UBE2V1: variants seen among roughly 807,000 people sequenced by gnomAD.
UBE2V1 encodes the protein ubiquitin-conjugating enzyme E2 variant 1.
In UBE2V1, 15 loss-of-function variants were observed where a neutral mutation model predicts 19.6. The observed-to-expected ratio is 0.77, with a 90% CI of 0.51 to 1.18. The LOEUF (loss-of-function observed/expected upper bound fraction) is 1.18, where lower values mean the gene tolerates loss of function less well. Ranked by LOEUF, UBE2V1 falls within the 50% of genes most tolerant of loss-of-function variation. UBE2V1 has a pLI of 0.00. For synonymous variants in UBE2V1, 60 were observed against 60.7 expected, an observed-to-expected ratio of 0.99 and a Z score of 0.05; for missense variants, 125 against 184.8, an observed-to-expected ratio of 0.68 and a Z score of 1.88.
chr20:50,102,904 A>C (rs1365082686), intron 1 of UBE2V1, among the ~76,000 whole-genome samples: 1 of 152,146 alleles, frequency 6.6e-6, no homozygotes, highest in East Asian at 1.9e-4. Context: ...AGGCATCCTT[A>C]CATCCCGCCT....
chr20:50,093,359 G>A (rs1469208972), intron 2 of UBE2V1, among the ~76,000 whole-genome samples: 2 of 152,188 alleles, frequency 1.3e-5, no homozygotes, highest in African/African-American at 4.8e-5. Context: ...GCTCTATTTA[G>A]ATGCTTTAAT....
intron 2 of UBE2V1, chr20:50,095,436 T>A (rs41307171): frequency 2.0e-5 from 3 of 152,284 alleles, no homozygotes; most frequent in Non-Finnish European, 4.4e-5. Flanking sequence ...AGATCAAATG[T>A]ATATATTTTT....
At chr20:50,106,655 A>AC (rs1258912558) in intron 1 of UBE2V1, among the ~76,000 whole-genome samples, 1 of 151,450 alleles carries the variant, frequency 6.6e-6, no homozygotes, top group Non-Finnish European at 1.5e-5. Context: ...AGATGGAGAA[A>AC]CCCCGTCTCC....
chr20:50,092,799 T>A (rs910275611), intron 2 of UBE2V1, among the ~76,000 whole-genome samples: 1 of 152,178 alleles, frequency 6.6e-6, no homozygotes, highest in Non-Finnish European at 1.5e-5. Context: ...CACACACATA[T>A]GACTAAAACA....
In UBE2V1 at chr20:50,083,683, C is replaced by T. The variant is rs369988282; in HGVS notation, c.297+446G>A. 9.0e-4 allele frequency: 139 copies of T among 153,824 alleles called. 2 individuals carry two copies. In the South Asian group the frequency reaches 0.028, roughly 31 times the overall value. The allele number at this position is 153,824 out of a possible 1,614,324, so 9.5% of individuals were successfully genotyped here. A position where few individuals can be genotyped will look rare whatever the true frequency, so the allele number is the denominator to read the frequency against. On this transcript the variant is annotated intron_variant, in intron 3 of 3. Transcript: ENST00000371674. Reference sequence around the variant, plus strand: ...CTGTTTTTGTAATATTTACTGTTGCCATTATTGCCCAGTTATGACAACTGA... The same window carrying T: ...CTGTTTTTGTAATATTTACTGTTGCTATTATTGCCCAGTTATGACAACTGA...
chr20:50,103,122 G>A (rs1203947466), intron 1 of UBE2V1, among the ~76,000 whole-genome samples: 1 of 152,164 alleles, frequency 6.6e-6, no homozygotes, highest in South Asian at 2.1e-4. Context: ...CTGAACATAA[G>A]CTCCATGAGA....
chr20:50,104,074 G>C (rs990643547), intron 1 of UBE2V1, among the ~76,000 whole-genome samples: 1 of 151,426 alleles, frequency 6.6e-6, no homozygotes, highest in Admixed American at 6.6e-5. Flanking sequence ...ACGAGGTCAG[G>C]AGATCGAGAT....
intron 2 of UBE2V1, among the ~76,000 whole-genome samples, chr20:50,093,546 G>A (rs1157954701): frequency 6.6e-6 from 1 of 152,200 alleles, no homozygotes; most frequent in Non-Finnish European, 1.5e-5. Context: ...TGGTGAGAAT[G>A]TGGAGAAATG....
intron 3 of UBE2V1, 52 bp from the exon 4 acceptor site, chr20:50,082,966 G>A: frequency 1.9e-6 from 3 of 1,592,028 alleles, no homozygotes; most frequent in Non-Finnish European, 2.6e-6. Context: ...AAACAAAATA[G>A]CTATATGCCG....
chr20:50,094,008 A>T (rs1183542541), intron 2 of UBE2V1, among the ~76,000 whole-genome samples: 30 of 124,062 alleles, frequency 2.4e-4, no homozygotes, highest in East Asian at 4.3e-4. Flanking sequence ...AAAAAAAAAA[A>T]AAAATAATAA....
Position 50,082,709 on chromosome 20 carries a change from T to C in UBE2V1, c.*59A>G. ...CTAGAAAATTTACTACTGTGGAAAATGAAGACTGATTAAATCGAATTGGGG... is the reference window on the plus strand; with the variant it reads ...CTAGAAAATTTACTACTGTGGAAAACGAAGACTGATTAAATCGAATTGGGG... On this transcript the variant is annotated 3_prime_UTR_variant, in exon 4 of 4. Transcript: ENST00000371674. 1 of 1,585,134 alleles carries C rather than the reference T, an allele frequency of 6.3e-7. No homozygotes were observed. Among genetic ancestry groups the C allele is most frequent in the South Asian group, 1.1e-5 (1 of 88,168 alleles).
At chr20:50,099,965 G>C (rs965658267) in intron 1 of UBE2V1, among the ~76,000 whole-genome samples, 3 of 152,118 alleles carry the variant, frequency 2.0e-5, no homozygotes, top group African/African-American at 7.2e-5. Context: ...GGGCATGGTG[G>C]TGCCCACCTG....
At position 50,082,279 on chromosome 20, in the gene UBE2V1, C is replaced by A; in HGVS notation, c.*489G>T. On this transcript the variant is annotated 3_prime_UTR_variant, in exon 4 of 4. Coordinates refer to ENST00000371674, the MANE Select transcript of UBE2V1 (RefSeq NM_001032288.3). ...GGTGCAGGCGAAACACCCCACACAC[C>A]TAGCAGTAGTCCCACAGGCTGCGAC... 6.1e-6 allele frequency: 1 copy of A among 163,458 alleles called. No individual in the cohort carries two copies. Among genetic ancestry groups the A allele is most frequent in the South Asian group, 1.6e-4 (1 of 6,096 alleles). 10.1% of individuals were successfully genotyped at this position (163,458 alleles called of 1,614,324 possible). A position where few individuals can be genotyped will look rare whatever the true frequency, so the allele number is the denominator to read the frequency against.
At chr20:50,086,800 G>C (rs1323377926) in intron 2 of UBE2V1, among the ~76,000 whole-genome samples, 1 of 152,248 alleles carries the variant, frequency 6.6e-6, no homozygotes, top group East Asian at 1.9e-4. Context: ...ACCTAAGGCC[G>C]GGTGAGCTGG....
chr20:50,084,356 A>G (rs765260957), intron 2 of UBE2V1, 102 bp from the exon 3 acceptor site: 2 of 1,593,884 alleles, frequency 1.3e-6, no homozygotes, highest in Non-Finnish European at 1.7e-6. Context: ...GAACTGGTAC[A>G]TCTGCTTCCA....
intron 2 of UBE2V1, among the ~76,000 whole-genome samples, chr20:50,091,345 C>T (rs959514836): frequency 1.3e-5 from 2 of 148,752 alleles, no homozygotes; most frequent in South Asian, 2.1e-4. Flanking sequence ...CACACCTGGG[C>T]TTTTGTCATT....
intron 2 of UBE2V1, among the ~76,000 whole-genome samples, chr20:50,088,925 T>G (rs1029881733): frequency 1.3e-5 from 2 of 152,216 alleles, no homozygotes; most frequent in Non-Finnish European, 2.9e-5. Flanking sequence ...GTTCCAATCT[T>G]ACATAGTTAT....
intron 2 of UBE2V1, among the ~76,000 whole-genome samples, chr20:50,089,688 T>C (rs751859851): frequency 1.7e-4 from 26 of 152,138 alleles, no homozygotes; most frequent in Non-Finnish European, 2.9e-4. Flanking sequence ...ACTCTCCCTC[T>C]TCCCACCATT....
intron 1 of UBE2V1, among the ~76,000 whole-genome samples, chr20:50,110,311 T>C (rs1189518812): frequency 2.0e-5 from 3 of 152,218 alleles, no homozygotes; most frequent in Non-Finnish European, 2.9e-5. Flanking sequence ...CTAAGACATA[T>C]GTAGATATCA....
Sources: allele counts gnomAD v4.1 joint callset (sites outside exome capture counted in the v4.1 genomes callset), GRCh38; gene constraint gnomAD v4.1.1; transcripts MANE v1.5; gene names NCBI Gene and HGNC (gene_info 2026-07-23, HGNC 2026-07-21).